DCC: variants seen among roughly 807,000 people sequenced by gnomAD.
DCC encodes the protein DCC netrin 1 receptor.
A neutral mutation model predicts 172.5 loss-of-function variants in DCC; 58 were observed. That is an observed-to-expected ratio of 0.34 (90% confidence interval 0.27 to 0.42). The LOEUF is 0.42. DCC is among the 10% of genes least tolerant of loss of function. The pLI, the probability that DCC is intolerant of heterozygous loss-of-function variation, is 1.00. For missense variants in DCC, 1,740 were observed against 1,791.0 expected, an observed-to-expected ratio of 0.97 and a Z score of 0.51; for synonymous variants, 709 against 644.5, an observed-to-expected ratio of 1.10 and a Z score of -1.52.
intron 21 of DCC, among the ~76,000 whole-genome samples, chr18:53,420,579 C>T (rs893891960): frequency 6.6e-6 from 1 of 152,134 alleles, no homozygotes; most frequent in African/African-American, 2.4e-5. Context: ...GGGTCCTCTT[C>T]CTGGCTTGCA....
chr18:53,384,739 G>T (rs1451413066), intron 15 of DCC, among the ~76,000 whole-genome samples: 3 of 151,388 alleles, frequency 2.0e-5, no homozygotes. Flanking sequence ...TATTTTTCTT[G>T]GGTGTTTTCT....
At chr18:52,350,379 T>C (rs111694816) in intron 1 of DCC, among the ~76,000 whole-genome samples, 5,942 of 152,290 alleles carry the variant, frequency 0.039, 169 homozygotes, top group Non-Finnish European at 0.06. Context: ...TGCAGGGACA[T>C]GGATGAAGTT....
chr18:53,231,497 A>C (rs2144616252), intron 12 of DCC, among the ~76,000 whole-genome samples: 1 of 152,264 alleles, frequency 6.6e-6, no homozygotes, highest in East Asian at 1.9e-4. Context: ...ACCTAATGCA[A>C]GCAATCAGCT....
chr18:52,593,988 C>A (rs1396225093), intron 1 of DCC, among the ~76,000 whole-genome samples: 1 of 152,140 alleles, frequency 6.6e-6, no homozygotes, highest in Non-Finnish European at 1.5e-5. Flanking sequence ...CTCAGAAAGT[C>A]AGAGACCTAC....
At chr18:52,917,870 A>T (rs757578861) in intron 3 of DCC, among the ~76,000 whole-genome samples, 2 of 152,212 alleles carry the variant, frequency 1.3e-5, no homozygotes, top group Non-Finnish European at 2.9e-5. Flanking sequence ...TACTGCTTTT[A>T]ATCGATTTAG....
chr18:53,134,651 C>A (rs1240974070), intron 7 of DCC, among the ~76,000 whole-genome samples: 10 of 152,096 alleles, frequency 6.6e-5, no homozygotes, highest in African/African-American at 2.4e-4. Flanking sequence ...TCTCTTAGCT[C>A]AGAATTTGAC....
At chr18:52,548,888 T>A (rs563355891) in intron 1 of DCC, among the ~76,000 whole-genome samples, 1 of 152,286 alleles carries the variant, frequency 6.6e-6, no homozygotes, top group East Asian at 1.9e-4. Context: ...AGAAAATGTA[T>A]GTTTAGACAT....
At chr18:52,801,548 C>A (rs1218910545) in intron 2 of DCC, among the ~76,000 whole-genome samples, 1 of 152,106 alleles carries the variant, frequency 6.6e-6, no homozygotes, top group African/African-American at 2.4e-5. Context: ...AAATGCAAGA[C>A]AAAATAATAA....
intron 2 of DCC, among the ~76,000 whole-genome samples, chr18:52,902,981 G>T (rs1272167980): frequency 2.0e-5 from 3 of 152,166 alleles, no homozygotes; most frequent in Non-Finnish European, 4.4e-5. Flanking sequence ...CAGAGTGCAT[G>T]CAATTCTATT....
intron 2 of DCC, among the ~76,000 whole-genome samples, chr18:52,817,177 T>C (rs923616366): frequency 3.9e-5 from 6 of 152,172 alleles, no homozygotes; most frequent in Admixed American, 2.0e-4. Context: ...TATATACATA[T>C]GTAAGAATGG....
intron 5 of DCC, among the ~76,000 whole-genome samples, chr18:53,055,959 C>T (rs913795046): frequency 6.6e-6 from 1 of 152,102 alleles, no homozygotes; most frequent in African/African-American, 2.4e-5. Flanking sequence ...TCATCTCACA[C>T]TTGACAAGTC....
intron 26 of DCC, among the ~76,000 whole-genome samples, chr18:53,494,558 A>G (rs1471895245): frequency 6.6e-6 from 1 of 152,176 alleles, no homozygotes; most frequent in African/African-American, 2.4e-5. Context: ...CCCTTTAACC[A>G]TTATGTAATG....
At chr18:52,428,719 A>G (rs541320622) in intron 1 of DCC, among the ~76,000 whole-genome samples, 2 of 152,206 alleles carry the variant, frequency 1.3e-5, no homozygotes, top group South Asian at 2.1e-4. Context: ...ATTTATTATA[A>G]TTTTTAAAAT....
chr18:52,945,617 ATTC>A (rs1395161849), intron 5 of DCC, among the ~76,000 whole-genome samples: 5 of 152,224 alleles, frequency 3.3e-5, no homozygotes, highest in African/African-American at 9.6e-5. Flanking sequence ...AAGAGCACCA[ATTC>A]TTCTGAGTTG....
At chr18:52,700,193 CACGCACATACACACAT>C (rs1429676353) in intron 1 of DCC, among the ~76,000 whole-genome samples, 1 of 147,740 alleles carries the variant, frequency 6.8e-6, no homozygotes, top group Admixed American at 6.8e-5. Flanking sequence ...CACGCACACA[CACGCACATACACACAT>C]GCACATGTGC....
At chr18:53,101,831 G>GTA (rs1237887446) in intron 7 of DCC, among the ~76,000 whole-genome samples, 664 of 41,212 alleles carry the variant, frequency 0.016, 5 homozygotes, top group African/African-American at 0.062. Context: ...GTGTGTATTT[G>GTA]TGTGTGTGTG....
intron 27 of DCC, among the ~76,000 whole-genome samples, chr18:53,514,020 G>GCACGA (rs2046299691): frequency 6.6e-6 from 1 of 151,328 alleles, no homozygotes; most frequent in Non-Finnish European, 1.5e-5. Flanking sequence ...ATTTTTTTCA[G>GCACGA]CACCACACCT....
At chr18:53,245,694 T>C (rs2056357181) in intron 12 of DCC, among the ~76,000 whole-genome samples, 1 of 152,072 alleles carries the variant, frequency 6.6e-6, no homozygotes, top group African/African-American at 2.4e-5. Context: ...ATATCTAATA[T>C]AGATTTAATA....
chr18:53,242,374 T>A (rs1011253566), intron 12 of DCC, among the ~76,000 whole-genome samples: 2 of 152,198 alleles, frequency 1.3e-5, no homozygotes, highest in Non-Finnish European at 2.9e-5. Context: ...TAGGACTAAA[T>A]GAATTGGCAT....
Sources: gnomAD v4.1 joint callset for allele counts (sites outside exome capture counted in the v4.1 genomes callset) on GRCh38, gnomAD v4.1.1 for gene constraint, MANE v1.5 for transcripts, NCBI Gene and HGNC (gene_info 2026-07-23, HGNC 2026-07-21) for gene names.